The following MAGEA12 variants were observed in gnomAD, a reference collection of about 807,000 sequenced individuals.
MAGEA12 encodes the protein MAGE family member A12.
For synonymous variants in MAGEA12, 135 were observed against 104.7 expected, an observed-to-expected ratio of 1.29 and a Z score of -1.77; for missense variants, 235 against 240.1, an observed-to-expected ratio of 0.98 and a Z score of 0.14.
Position 152,733,839 on chromosome X carries a change from C to CAGGG in MAGEA12, c.-199_-198insGAGG, listed in dbSNP as rs1932226276. 9.0e-6 allele frequency: 1 copy of CAGGG among 110,832 alleles called. No homozygotes were observed. The highest frequency in any genetic ancestry group is 1.9e-5 in the Non-Finnish European group (1 of 52,854). 9.1% of individuals were successfully genotyped at this position (110,832 alleles called of 1,213,427 possible). On this transcript the variant is annotated 5_prime_UTR_variant, in exon 1 of 3. Coordinates refer to ENST00000393869, the MANE Select transcript of MAGEA12 (RefSeq NM_001166387.4). ...TGACGTCGGTGGAGGGAAGCAGGCGCAGGCTCCGTGAGGAGGCAAGGTAAG... is the reference window on the plus strand; with the variant it reads ...TGACGTCGGTGGAGGGAAGCAGGCGCAGGGAGGCTCCGTGAGGAGGCAAGGTAAG...
chrX:152,736,672 C>A lies in MAGEA12; in HGVS notation c.511C>A (p.Arg171Ser). 1 of 1,211,793 alleles carries A rather than the reference C, an allele frequency of 8.3e-7. No homozygotes were observed. ...TGGCATCGAGGTGGTGGAAGTGGTCCGCATCGGCCACTTGTACATCCTTGT... is the reference window on the plus strand; with the variant it reads ...TGGCATCGAGGTGGTGGAAGTGGTCAGCATCGGCCACTTGTACATCCTTGT... The part of the protein sequence containing the change: ...VFGIEVVEVV[R>S]IGHLYILVTC... Residue 171 changes from arginine to serine, a missense_variant, in exon 3 of 3, where the codon CGC (arginine) becomes AGC (serine). Coordinates refer to ENST00000393869, the MANE Select transcript of MAGEA12 (RefSeq NM_001166387.4).
In MAGEA12 at chrX:152,735,140, G is replaced by C. The variant is rs782208186; in HGVS notation, c.-181-8G>C. On this transcript the variant is annotated splice_region_variant and splice_polypyrimidine_tract_variant and intron_variant, in intron 1 of 2. Transcript: ENST00000393869. ...CAGGATGTGGCTCCTCCTCACTTCT[G>C]TTTCCAGATCTCAGGGAGTTGAGGA... The C allele has an allele frequency of 4.1e-4, 46 of 113,006 alleles. No individual in the cohort carries two copies. Among genetic ancestry groups the C allele is most frequent in the African/African-American group, 1.5e-3 (46 of 30,952 alleles). The allele number at this position is 113,006 out of a possible 1,213,427, so 9.3% of individuals were successfully genotyped here. A position where few individuals can be genotyped will look rare whatever the true frequency, so the allele number is the denominator to read the frequency against.
In MAGEA12 at chrX:152,736,429, G is replaced by A. The variant is rs199979249; in HGVS notation, c.268G>A (p.Glu90Lys). 8.3e-6 allele frequency: 10 copies of A among 1,209,838 alleles called. No homozygotes were observed. The highest frequency in any genetic ancestry group is 5.3e-5 in the African/African-American group (3 of 57,027). The change falls in exon 3 of 3, where the codon GAA becomes AAA. Residue 90 changes from glutamate to lysine, a missense_variant. Physicochemically the swap from Glu to Lys is moderately conservative, Grantham distance 56. Coordinates refer to ENST00000393869, the MANE Select transcript of MAGEA12 (RefSeq NM_001166387.4). ...WSQSDEGSSN[E>K]EQEGPSTFPD... ...TCAATCCGATGAGGGCTCCAGCAAC[G>A]AAGAACAGGAAGGGCCAAGCACCTT...
In MAGEA12 at chrX:152,734,651, G is replaced by T. The variant is rs189994900; in HGVS notation, c.-181-497G>T. On this transcript the variant is annotated intron_variant, in intron 1 of 2. Coordinates refer to ENST00000393869, the MANE Select transcript of MAGEA12 (RefSeq NM_001166387.4). ...CAGATCAGTGGCAACCTTGGGCTGG[G>T]GGATCCTGGGCACAGTGGCCTAATG... Among the ~76,000 whole-genome samples the T allele has an allele frequency of 2.7e-3, 297 of 112,023 alleles. 1 individual carries two copies. The highest frequency in any genetic ancestry group is 9.1e-3 in the African/African-American group (279 of 30,817).
chrX:152,734,899 A>G (rs1932271645), intron 1 of MAGEA12, among the ~76,000 whole-genome samples: 2 of 112,379 alleles, frequency 1.8e-5, no homozygotes, highest in Non-Finnish European at 3.8e-5. Flanking sequence ...GATAGCTCCA[A>G]TTGGCAATGT....
In MAGEA12 at chrX:152,737,329, G is replaced by A. The variant is rs1267459875; in HGVS notation, c.*223G>A. 33 of 519,344 alleles carry A rather than the reference G, an allele frequency of 6.4e-5. No individual in the cohort carries two copies. The highest frequency in any genetic ancestry group is 5.7e-4 in the African/African-American group (25 of 43,926). 42.8% of individuals were successfully genotyped at this position (519,344 alleles called of 1,213,427 possible). On this transcript the variant is annotated 3_prime_UTR_variant, in exon 3 of 3. Coordinates refer to ENST00000393869, the MANE Select transcript of MAGEA12 (RefSeq NM_001166387.4). ...GAATTGTTCAAATGTTCCTTTTAAC[G>A]GATGGTTGAATGAACTTCAGCATCC...
At chrX:152,735,986 A>C (rs1354318598) in intron 2 of MAGEA12, 101 bp from the exon 3 acceptor site, 1 of 494,932 alleles carries the variant, frequency 2.0e-6, no homozygotes, top group African/African-American at 2.4e-5. Context: ...AACACATGGG[A>C]CTCCAGAGCG....
Position 152,737,094 on chromosome X carries a change from G to T in MAGEA12, c.933G>T (p.Glu311Asp). ...CCCTGCATGAATGGGCTTTTAGAGAGGGGGAAGAGTGAGTCTGAGCACGAG... is the reference window on the plus strand; with the variant it reads ...CCCTGCATGAATGGGCTTTTAGAGATGGGGAAGAGTGAGTCTGAGCACGAG... Reference protein sequence around the residue: ...YPPLHEWAFREGEE With the variant: ...YPPLHEWAFRDGEE The change falls in exon 3 of 3, where the codon GAG (glutamate) becomes GAT (aspartate). Residue 311 changes from glutamate (E) to aspartate (D), a missense_variant. Physicochemically the swap from Glu to Asp is conservative, Grantham distance 45. Transcript: ENST00000393869. 1 of 1,211,054 alleles carries T rather than the reference G, an allele frequency of 8.3e-7. No homozygotes were observed. The highest frequency in any genetic ancestry group is 1.1e-6 in the Non-Finnish European group (1 of 894,842).
chrX:152,737,052 T>G lies in MAGEA12; in HGVS notation c.891T>G (p.Pro297=). The change falls in exon 3 of 3, where the codon CCT becomes CCG. Residue 297 remains proline (P), a synonymous_variant. Coordinates refer to ENST00000393869, the MANE Select transcript of MAGEA12 (RefSeq NM_001166387.4). ...ATTTGCTAAAGATCAGTGGAGGACC[T>G]CACATTTCCTACCCACCCCTGCATG... ...LHHLLKISGG[P]HISYPPLHEW... 8.3e-7 allele frequency: 1 copy of G among 1,211,749 alleles called. No homozygotes were observed. Among genetic ancestry groups the G allele is most frequent in the Non-Finnish European group, 1.1e-6 (1 of 895,473 alleles).
chrX:152,733,855 G>C lies in MAGEA12; in HGVS notation c.-186G>C, dbSNP rs1188701877. The C allele has an allele frequency of 2.7e-5, 3 of 110,871 alleles. No homozygotes were observed. The East Asian group carries it at 8.6e-4, about 32-fold the overall frequency. The allele number at this position is 110,871 out of a possible 1,213,427, so 9.1% of individuals were successfully genotyped here. Reference sequence around the variant, plus strand: ...AAGCAGGCGCAGGCTCCGTGAGGAGGCAAGGTAAGATGCCGAGGGAGGACT... The same window carrying C: ...AAGCAGGCGCAGGCTCCGTGAGGAGCCAAGGTAAGATGCCGAGGGAGGACT... On this transcript the variant is annotated 5_prime_UTR_variant, in exon 1 of 3. Transcript: ENST00000393869.
At chrX:152,735,960 G>A (rs1361334226) in intron 2 of MAGEA12, 127 bp from the exon 3 acceptor site, 8 of 454,873 alleles carry the variant, frequency 1.8e-5, no homozygotes, top group Non-Finnish European at 3.1e-5. Context: ...CACACCAAGG[G>A]CCGCACCGGC....
At chrX:152,734,451 G>C (rs1932257192) in intron 1 of MAGEA12, among the ~76,000 whole-genome samples, 2 of 111,276 alleles carry the variant, frequency 1.8e-5, no homozygotes, top group African/African-American at 6.5e-5. Flanking sequence ...AGTCCGGAGG[G>C]CTCCCAGCAT....
At position 152,736,623 on chromosome X, in the gene MAGEA12, C is replaced by T. The variant is rs1444441338; in HGVS notation, c.462C>T (p.Ala154=). Residue 154 remains alanine, a synonymous_variant, in exon 3 of 3, where the codon GCC becomes GCT. Transcript: ENST00000393869. ...QDFFPVIFSK[A]SEYLQLVFGI... is the part of the protein sequence containing the mutation. ...TCTTTCCTGTGATCTTCAGCAAAGC[C>T]TCCGAGTACTTGCAGCTGGTCTTTG... 2.6e-5 allele frequency: 32 copies of T among 1,210,079 alleles called. No homozygotes were observed. The highest frequency in any genetic ancestry group is 3.6e-5 in the Non-Finnish European group (32 of 895,311).
Position 152,736,194 on chromosome X carries a change from G to A in MAGEA12, c.33G>A (p.Lys11=). 1 of 1,211,872 alleles carries A rather than the reference G, an allele frequency of 8.3e-7. No individual in the cohort carries two copies. The highest frequency in any genetic ancestry group is 1.8e-5 in the South Asian group (1 of 56,953). The change falls in exon 3 of 3, where the codon AAG becomes AAA. Residue 11 remains lysine (K), a synonymous_variant. Coordinates refer to ENST00000393869, the MANE Select transcript of MAGEA12 (RefSeq NM_001166387.4). ...TTGAGCAGAGGAGTCAGCACTGCAA[G>A]CCTGAGGAAGGCCTTGAGGCCCAAG... The part of the protein sequence containing the change: MPLEQRSQHC[K]PEEGLEAQGE...
chrX:152,736,207 C>T lies in MAGEA12; in HGVS notation c.46C>T (p.Leu16Phe), dbSNP rs782394384. The T allele has an allele frequency of 3.3e-6, 4 of 1,210,166 alleles. No homozygotes were observed. The African/African-American group carries it at 5.2e-5, about 16-fold the overall frequency. Reference sequence around the variant, plus strand: ...TCAGCACTGCAAGCCTGAGGAAGGCCTTGAGGCCCAAGGAGAGGCCCTGGG... The same window carrying T: ...TCAGCACTGCAAGCCTGAGGAAGGCTTTGAGGCCCAAGGAGAGGCCCTGGG... The part of the protein sequence containing the change: ...RSQHCKPEEG[L>F]EAQGEALGLV... The change falls in exon 3 of 3, where the codon CTT becomes TTT. Residue 16 changes from leucine (L) to phenylalanine (F), a missense_variant. Leu to Phe is a conservative substitution (Grantham distance 22). Coordinates refer to ENST00000393869, the MANE Select transcript of MAGEA12 (RefSeq NM_001166387.4).
intron 1 of MAGEA12, among the ~76,000 whole-genome samples, chrX:152,734,906 A>G (rs1408124235): frequency 1.6e-4 from 18 of 112,352 alleles, no homozygotes; most frequent in Admixed American, 2.8e-4. Context: ...CCAATTGGCA[A>G]TGTCATTTGT....
At chrX:152,734,716 G>A (rs1202389574) in intron 1 of MAGEA12, among the ~76,000 whole-genome samples, 1 of 111,965 alleles carries the variant, frequency 8.9e-6, no homozygotes, top group Non-Finnish European at 1.9e-5. Context: ...ACAGATTTGC[G>A]GGCTGTGGTC....
chrX:152,735,334 T>A (rs1439317855), intron 2 of MAGEA12, 81 bp downstream of exon 2: 1 of 118,206 alleles, frequency 8.5e-6, no homozygotes, highest in Non-Finnish European at 1.9e-5. Context: ...GCCCTGCCCC[T>A]GCTATTCCCT....
chrX:152,736,003 C>T lies in MAGEA12; in HGVS notation c.-75-84C>T, dbSNP rs781963850. On this transcript the variant is annotated intron_variant, in intron 2 of 2. Transcript: ENST00000393869. ...CACATGGGACTCCAGAGCGCCTGGCCTCACCCTCCCTACTGTCATTCCTTC... is the reference window on the plus strand; with the variant it reads ...CACATGGGACTCCAGAGCGCCTGGCTTCACCCTCCCTACTGTCATTCCTTC... 2.8e-5 allele frequency: 16 copies of T among 568,002 alleles called. No individual in the cohort carries two copies. In the Admixed American group the frequency reaches 4.3e-4, roughly 15 times the overall value. The allele number at this position is 568,002 out of a possible 1,213,427, so 46.8% of individuals were successfully genotyped here. A position where few individuals can be genotyped will look rare whatever the true frequency, so the allele number is the denominator to read the frequency against.
Sources: gnomAD v4.1 joint callset for allele counts (sites outside exome capture counted in the v4.1 genomes callset) on GRCh38, gnomAD v4.1.1 for gene constraint, MANE v1.5 for transcripts, NCBI Gene and HGNC (gene_info 2026-07-23, HGNC 2026-07-21) for gene names.